OPHN1: variants seen among roughly 807,000 people sequenced by gnomAD.
OPHN1 encodes the protein oligophrenin-1.
Under a neutral mutation model 60.7 loss-of-function variants are expected in OPHN1, and 11 were observed. The ratio of observed to expected loss-of-function variants is 0.18; its 90% CI spans 0.11 to 0.30. The LOEUF is 0.30. OPHN1 is among the 10% of genes least tolerant of loss of function. OPHN1 has a pLI of 1.00. For synonymous variants in OPHN1, 226 were observed against 222.6 expected (o/e 1.02, Z -0.14); for missense variants, 449 against 611.0 (o/e 0.73, Z 2.80).
Position 68,251,488 on chromosome X carries a change from C to T in OPHN1, c.385-16900G>A, listed in dbSNP as rs1298852329. Among the ~76,000 whole-genome samples, 5 of 110,845 alleles carry T rather than the reference C, an allele frequency of 4.5e-5. No homozygotes were observed. In the Admixed American group the frequency reaches 4.8e-4, roughly 11 times the overall value. On this transcript the variant is annotated intron_variant, in intron 5 of 24. Coordinates refer to ENST00000355520, the MANE Select transcript of OPHN1 (RefSeq NM_002547.3). ...CGAGAGCCACCGCACCTGGCCCCTC[C>T]TCAAATATTAACTATTCTTCTAAAG...
At chrX:68,189,607 C>T (rs1418950287) in intron 15 of OPHN1, among the ~76,000 whole-genome samples, 1 of 108,612 alleles carries the variant, frequency 9.2e-6, no homozygotes, top group Non-Finnish European at 1.9e-5. Flanking sequence ...AGATTGGCTT[C>T]TCTGTGCCAA....
At chrX:68,411,558 TATA>T (rs1375573063) in intron 2 of OPHN1, among the ~76,000 whole-genome samples, 5 of 112,320 alleles carry the variant, frequency 4.5e-5, no homozygotes, top group Non-Finnish European at 9.4e-5. Context: ...GTTGGCCCCG[TATA>T]TGTCTTCTTT....
chrX:68,376,857 C>G (rs2078559708), intron 2 of OPHN1, among the ~76,000 whole-genome samples: 1 of 111,112 alleles, frequency 9.0e-6, no homozygotes, highest in African/African-American at 3.3e-5. Context: ...GCACTGTCCA[C>G]AAGGGCTAAC....
intron 2 of OPHN1, among the ~76,000 whole-genome samples, chrX:68,342,604 G>A (rs1221239116): frequency 9.0e-6 from 1 of 111,465 alleles, no homozygotes. Flanking sequence ...GTAAAAGAAA[G>A]CAGTAACAAA....
chrX:68,374,217 G>A (rs1398193583), intron 2 of OPHN1, among the ~76,000 whole-genome samples: 3 of 109,451 alleles, frequency 2.7e-5, no homozygotes, highest in African/African-American at 3.3e-5. Context: ...TTAGCTGGGC[G>A]TGGTGCCGCA....
intron 6 of OPHN1, among the ~76,000 whole-genome samples, chrX:68,233,350 A>G (rs975322739): frequency 2.8e-4 from 31 of 112,279 alleles, no homozygotes; most frequent in African/African-American, 1.0e-3. Context: ...GGACAAGATG[A>G]CAGCTCCTGC....
Position 68,300,955 on chromosome X carries a change from T to C in OPHN1, c.155-1859A>G, listed in dbSNP as rs2078116876. Among the ~76,000 whole-genome samples the C allele has an allele frequency of 5.4e-5, 6 of 112,029 alleles. No homozygotes were observed. In the South Asian group the frequency reaches 1.8e-3, roughly 34 times the overall value. ...TGCATCTAGTCTCCCTTTTCATTAT[T>C]TGTACCTATCTCTTCTTTTCTCCAG... On this transcript the variant is annotated intron_variant, in intron 2 of 24. Transcript: ENST00000355520.
rs150913944 is a variant in OPHN1, at chrX:68,144,124, C to T, written c.1277-24792G>A. 4.9e-3 allele frequency among the ~76,000 whole-genome samples: 539 copies of T among 111,109 alleles called. 1 individual carries two copies. Among genetic ancestry groups the T allele is most frequent in the African/African-American group, 0.017 (504 of 30,534 alleles). The stretch of plus-strand genomic sequence containing the variant: ...TCCTGTGCTTAAGCAATCCTCCCAC[C>T]TCAGCCTCCCAAATAGCTGGGAGCC... On this transcript the variant is annotated intron_variant, in intron 15 of 24. Transcript: ENST00000355520.
At chrX:68,128,053 C>CT (rs761895543) in intron 15 of OPHN1, among the ~76,000 whole-genome samples, 482 of 103,279 alleles carry the variant, frequency 4.7e-3, no homozygotes, top group South Asian at 0.016. Flanking sequence ...ATTACTGATA[C>CT]TTTTTTTTTT....
intron 4 of OPHN1, among the ~76,000 whole-genome samples, chrX:68,282,218 T>C (rs1335550462): frequency 1.8e-5 from 2 of 111,186 alleles, no homozygotes; most frequent in African/African-American, 6.6e-5. Context: ...AATCATACAA[T>C]GGGATATTAC....
chrX:68,055,273 C>T (rs2076868091), intron 21 of OPHN1, among the ~76,000 whole-genome samples: 1 of 112,127 alleles, frequency 8.9e-6, no homozygotes, highest in African/African-American at 3.2e-5. Context: ...TACTTCACCT[C>T]TACGACTGTA....
intron 15 of OPHN1, among the ~76,000 whole-genome samples, chrX:68,170,259 A>G (rs12392800): frequency 0.19 from 19,046 of 98,879 alleles, 1,918 homozygotes; most frequent in African/African-American, 0.3. Context: ...TTAGAATGGC[A>G]ATCATTAAAA....
intron 15 of OPHN1, among the ~76,000 whole-genome samples, chrX:68,183,694 T>TTTAATTAA (rs1467327691): frequency 8.9e-6 from 1 of 112,305 alleles, no homozygotes; most frequent in Non-Finnish European, 1.9e-5. Context: ...ATTACTATTC[T>TTTAATTAA]TTGTTGAAGG....
intron 2 of OPHN1, among the ~76,000 whole-genome samples, chrX:68,317,538 A>AG (rs1438970814): frequency 1.9e-4 from 10 of 52,310 alleles, no homozygotes; most frequent in Admixed American, 6.2e-4. Context: ...AAAGAAAGAA[A>AG]AAAAGAAAGA....
intron 2 of OPHN1, among the ~76,000 whole-genome samples, chrX:68,357,253 GTTTT>G (rs1414145830): frequency 1.8e-5 from 2 of 111,289 alleles, no homozygotes; most frequent in African/African-American, 6.5e-5. Context: ...TTTTGCTTTT[GTTTT>G]GTTTTTTATT....
chrX:68,238,745 C>T (rs2077765307), intron 5 of OPHN1, among the ~76,000 whole-genome samples: 1 of 111,220 alleles, frequency 9.0e-6, no homozygotes, highest in South Asian at 3.8e-4. Flanking sequence ...TCTTCGGTGC[C>T]CCTCTGCTCA....
At chrX:68,287,156 G>A (rs193261157) in intron 3 of OPHN1, among the ~76,000 whole-genome samples, 14 of 72,884 alleles carry the variant, frequency 1.9e-4, no homozygotes, top group East Asian at 3.7e-4. Flanking sequence ...GAAGAAAGAA[G>A]GAAAGAAAGA....
chrX:68,133,627 TC>T (rs112922268), intron 15 of OPHN1, among the ~76,000 whole-genome samples: 1 of 111,485 alleles, frequency 9.0e-6, no homozygotes. Flanking sequence ...CAAGCATATC[TC>T]CCTTTTTCTG....
At chrX:68,289,986 G>T (rs1361743960) in intron 3 of OPHN1, among the ~76,000 whole-genome samples, 1 of 109,226 alleles carries the variant, frequency 9.2e-6, no homozygotes, top group East Asian at 2.9e-4. Flanking sequence ...GCTATATGCA[G>T]AAAATTGTTT....
Sources: allele counts gnomAD v4.1 joint callset (sites outside exome capture counted in the v4.1 genomes callset), GRCh38; gene constraint gnomAD v4.1.1; transcripts MANE v1.5; gene names NCBI Gene and HGNC (gene_info 2026-07-23, HGNC 2026-07-21).